The following DOCK2 variants were observed in gnomAD, a reference collection of about 807,000 sequenced individuals.
The protein encoded by DOCK2 is dedicator of cytokinesis protein 2.
In DOCK2, 87 loss-of-function variants were observed where a neutral mutation model predicts 248.9. The observed-to-expected ratio is 0.35, with a 90% CI of 0.29 to 0.42. The LOEUF (loss-of-function observed/expected upper bound fraction) is 0.42. Ranked by LOEUF, DOCK2 falls within the 10% of genes least tolerant of loss-of-function variation. DOCK2 has a pLI of 1.00. For missense variants in DOCK2, 1,747 were observed against 2,300.2 expected (o/e 0.76, Z 4.92); for synonymous variants, 805 against 821.6 (o/e 0.98, Z 0.35).
At chr5:169,963,583 C>T (rs569770448) in intron 27 of DOCK2, among the ~76,000 whole-genome samples, 3 of 152,264 alleles carry the variant, frequency 2.0e-5, no homozygotes, top group African/African-American at 7.2e-5. Context: ...CACAGGGGCA[C>T]TTACACAGCC....
intron 2 of DOCK2, among the ~76,000 whole-genome samples, chr5:169,660,596 T>C (rs1325518166): frequency 2.0e-5 from 3 of 152,200 alleles, no homozygotes; most frequent in Admixed American, 1.3e-4. Context: ...AATGTACCCC[T>C]CACTGAGGAG....
At chr5:170,079,914 G>A (rs1757966318) in intron 49 of DOCK2, 1 of 477,830 alleles carries the variant, frequency 2.1e-6, no homozygotes, top group East Asian at 3.3e-5. Context: ...TCGATTCTAG[G>A]GGACACCATT....
intron 30 of DOCK2, among the ~76,000 whole-genome samples, chr5:170,003,281 G>A (rs1285902151): frequency 6.6e-6 from 1 of 152,206 alleles, no homozygotes; most frequent in East Asian, 1.9e-4. Context: ...GGAGAATGAG[G>A]CTCAGAAAGG....
At chr5:169,845,628 T>C (rs1297871628) in intron 27 of DOCK2, among the ~76,000 whole-genome samples, 1 of 152,238 alleles carries the variant, frequency 6.6e-6, no homozygotes. Flanking sequence ...ACAAATGTGT[T>C]TTCTAAATGT....
At chr5:170,006,017 G>A (rs1438184054) in intron 30 of DOCK2, among the ~76,000 whole-genome samples, 1 of 152,140 alleles carries the variant, frequency 6.6e-6, no homozygotes. Flanking sequence ...ATGTCCTGTG[G>A]CCACAGTTTT....
At chr5:169,996,609 G>A (rs1754643607) in intron 30 of DOCK2, among the ~76,000 whole-genome samples, 1 of 152,130 alleles carries the variant, frequency 6.6e-6, no homozygotes, top group Non-Finnish European at 1.5e-5. Flanking sequence ...CAATAACTGG[G>A]ACCTCTAAGA....
Position 169,775,129 on chromosome 5 carries a change from C to T in DOCK2, c.2554+13504C>T, listed in dbSNP as rs546022549. On this transcript the variant is annotated intron_variant, in intron 25 of 51. Transcript: ENST00000520908. Reference sequence around the variant, plus strand: ...TTCACCCTGTTGACCAAGCTGGTCTCGAACTTCTGACCTCAGGTGATCTGC... The same window carrying T: ...TTCACCCTGTTGACCAAGCTGGTCTTGAACTTCTGACCTCAGGTGATCTGC... 2.0e-4 allele frequency among the ~76,000 whole-genome samples: 30 copies of T among 152,268 alleles called. No individual in the cohort carries two copies. The East Asian group carries it at 4.6e-3, about 23-fold the overall frequency.
chr5:170,083,033 A>T lies in DOCK2; in HGVS notation c.*175A>T. 1 of 703,816 alleles carries T rather than the reference A, an allele frequency of 1.4e-6. No homozygotes were observed. Among genetic ancestry groups the T allele is most frequent in the Non-Finnish European group, 2.4e-6 (1 of 424,924 alleles). 43.6% of individuals were successfully genotyped at this position (703,816 alleles called of 1,614,324 possible). A position where few individuals can be genotyped will look rare whatever the true frequency, so the allele number is the denominator to read the frequency against. ...CCAGAGCTTGAATGCTAACAAGCCC[A>T]GCATCCCCTGGGGCTGTGATCATGG... On this transcript the variant is annotated 3_prime_UTR_variant, in exon 52 of 52. Transcript: ENST00000520908.
intron 7 of DOCK2, 50 bp downstream of exon 7, chr5:169,681,929 A>G (rs1581025821): frequency 6.3e-7 from 1 of 1,599,708 alleles, no homozygotes; most frequent in East Asian, 2.2e-5. Flanking sequence ...CATTTAGCAC[A>G]TCATAAACTT....
At chr5:170,039,101 T>G (rs1427945376) in intron 36 of DOCK2, among the ~76,000 whole-genome samples, 1 of 152,232 alleles carries the variant, frequency 6.6e-6, no homozygotes, top group Non-Finnish European at 1.5e-5. Context: ...TCTGGCTCTT[T>G]TAACCTGGAT....
intron 1 of DOCK2, among the ~76,000 whole-genome samples, chr5:169,639,036 G>T (rs934442213): frequency 2.0e-5 from 3 of 152,216 alleles, no homozygotes; most frequent in Non-Finnish European, 4.4e-5. Flanking sequence ...TTCAGAGGTA[G>T]ATTATGGCTA....
chr5:169,949,646 G>C (rs1451196281), intron 27 of DOCK2, among the ~76,000 whole-genome samples: 1 of 151,228 alleles, frequency 6.6e-6, no homozygotes, highest in Non-Finnish European at 1.5e-5. Flanking sequence ...GATTTCTTTG[G>C]GCTGTGGCTC....
At chr5:169,959,764 C>CT (rs1214743751) in intron 27 of DOCK2, among the ~76,000 whole-genome samples, 1 of 152,144 alleles carries the variant, frequency 6.6e-6, no homozygotes. Flanking sequence ...TCCTTAGAGT[C>CT]ATCGTAGATC....
At chr5:169,923,473 A>T (rs1775281437) in intron 27 of DOCK2, among the ~76,000 whole-genome samples, 1 of 134,740 alleles carries the variant, frequency 7.4e-6, no homozygotes, top group South Asian at 2.5e-4. Context: ...GTGCGTGTGC[A>T]TGCACGTGGG....
At chr5:169,999,536 T>C (rs1392067801) in intron 30 of DOCK2, among the ~76,000 whole-genome samples, 1 of 152,182 alleles carries the variant, frequency 6.6e-6, no homozygotes, top group East Asian at 1.9e-4. Flanking sequence ...CTCTTTCTGG[T>C]CACCACAACA....
At chr5:169,939,779 G>C (rs970563153) in intron 27 of DOCK2, among the ~76,000 whole-genome samples, 9 of 152,124 alleles carry the variant, frequency 5.9e-5, no homozygotes, top group Middle Eastern at 3.4e-3. Flanking sequence ...TCTATATTAA[G>C]GTCCCTAAAA....
At chr5:169,770,230 A>G (rs1263258073) in intron 25 of DOCK2, among the ~76,000 whole-genome samples, 2 of 152,056 alleles carry the variant, frequency 1.3e-5, no homozygotes, top group African/African-American at 4.8e-5. Flanking sequence ...GAAGTTAACA[A>G]TCACTTACGT....
At chr5:169,744,550 G>A (rs1763498749) in intron 22 of DOCK2, among the ~76,000 whole-genome samples, 1 of 151,988 alleles carries the variant, frequency 6.6e-6, no homozygotes, top group African/African-American at 2.4e-5. Context: ...ACCAGCCAGG[G>A]CTAGTCTAGG....
Position 169,763,575 on chromosome 5 carries a change from C to G in DOCK2, c.2554+1950C>G, listed in dbSNP as rs1764607187. Among the ~76,000 whole-genome samples, 1 of 152,220 alleles carries G rather than the reference C, an allele frequency of 6.6e-6. No individual in the cohort carries two copies. Among genetic ancestry groups the G allele is most frequent in the South Asian group, 2.1e-4 (1 of 4,828 alleles). On this transcript the variant is annotated intron_variant, in intron 25 of 51. Coordinates refer to ENST00000520908, the MANE Select transcript of DOCK2 (RefSeq NM_004946.3). This position sits in a 1 kb window ranked among gnomAD's most constrained non-coding sequence, Gnocchi z 4.1. ...CGGAGTAATTCCTTGACTGCAGCCACATCTCCAGGGCTGGGAGGAGGCCTC... is the reference window on the plus strand; with the variant it reads ...CGGAGTAATTCCTTGACTGCAGCCAGATCTCCAGGGCTGGGAGGAGGCCTC...
Sources: allele counts gnomAD v4.1 joint callset (sites outside exome capture counted in the v4.1 genomes callset), GRCh38; gene constraint gnomAD v4.1.1; non-coding constraint Gnocchi (gnomAD v3.1); transcripts MANE v1.5; gene names NCBI Gene and HGNC (gene_info 2026-07-23, HGNC 2026-07-21).